The following NUP160 variants were observed in gnomAD, a reference collection of about 807,000 sequenced individuals.
The protein encoded by NUP160 is nucleoporin 160.
In NUP160, 94 loss-of-function variants were observed where a neutral mutation model predicts 196.9. The ratio of observed to expected loss-of-function variants is 0.48; its 90% CI spans 0.40 to 0.57. The LOEUF (loss-of-function observed/expected upper bound fraction) is 0.57. Ranked by LOEUF, NUP160 falls within the 20% of genes least tolerant of loss-of-function variation. NUP160 has a pLI of 0.00. For synonymous variants in NUP160, 605 were observed against 619.7 expected, an observed-to-expected ratio of 0.98 and a Z score of 0.35; for missense variants, 1,638 against 1,748.3, an observed-to-expected ratio of 0.94 and a Z score of 1.13.
chr11:47,832,179 C>T (rs1234081388), intron 7 of NUP160, among the ~76,000 whole-genome samples: 2 of 152,086 alleles, frequency 1.3e-5, no homozygotes, highest in African/African-American at 2.4e-5. Context: ...GGATTACAGG[C>T]GTGAGCCACT....
In NUP160 at chr11:47,780,548, T is replaced by C. The variant is rs2097660100; in HGVS notation, c.4117-101A>G. The C allele has an allele frequency of 7.6e-6, 5 of 654,970 alleles. No homozygotes were observed. The South Asian group carries it at 8.9e-5, about 12-fold the overall frequency. 40.6% of individuals were successfully genotyped at this position (654,970 alleles called of 1,614,324 possible). A position where few individuals can be genotyped will look rare whatever the true frequency, so the allele number is the denominator to read the frequency against. On this transcript the variant is annotated intron_variant, in intron 34 of 35. Coordinates refer to ENST00000378460, the Ensembl canonical transcript of NUP160. ...CTGTAGAATAAAATACCCTTTTTTT[T>C]TTTTTTTTTGAGATGGTCTTGTTCT...
chr11:47,790,043 A>G (rs1290714543), intron 29 of NUP160, among the ~76,000 whole-genome samples: 2 of 145,170 alleles, frequency 1.4e-5, no homozygotes, highest in African/African-American at 2.6e-5. Flanking sequence ...CCTCCTGGGT[A>G]CAAGTGATGT....
chr11:47,818,001 T>C, intron 11 of NUP160, 55 bp downstream of exon 11: 2 of 1,042,102 alleles, frequency 1.9e-6, no homozygotes, highest in Non-Finnish European at 2.9e-6. Context: ...AGTAATTATA[T>C]ACAGTAATAA....
chr11:47,782,510 C>T lies in NUP160; in HGVS notation c.4116+563G>A, dbSNP rs535614152. 2.3e-4 allele frequency among the ~76,000 whole-genome samples: 34 copies of T among 150,888 alleles called. No homozygotes were observed. The East Asian group carries it at 4.6e-3, about 21-fold the overall frequency. ...AGCCTACTTAACCATGCTCAGGACA[C>T]TTAACGTTAACCTATAAAGTTGGGC... On this transcript the variant is annotated intron_variant, in intron 34 of 35. Transcript: ENST00000378460.
Position 47,826,139 on chromosome 11 carries a change from TAAACAAAC to T in NUP160, c.1102-3983_1102-3976del, listed in dbSNP as rs377604809. On this transcript the variant is annotated intron_variant, in intron 7 of 35. Transcript: ENST00000378460. ...CAATTTAGCAGGTCTCAAACAGCAT[TAAACAAAC>T]AAACAAACAAACAAACAAACAAAAA... 4.0e-3 allele frequency among the ~76,000 whole-genome samples: 604 copies of T among 151,944 alleles called. 3 individuals are homozygous for T. Among genetic ancestry groups the T allele is most frequent in the Non-Finnish European group, 5.0e-3 (337 of 67,952 alleles).
intron 3 of NUP160, 126 bp downstream of exon 3, chr11:47,840,252 G>A (rs763843252): frequency 2.2e-6 from 2 of 899,656 alleles, no homozygotes; most frequent in East Asian, 5.2e-5. Flanking sequence ...AGCTATCAAA[G>A]TATGCTTGGT....
At chr11:47,803,524 G>A in exon 22 of NUP160, 1 of 1,603,494 alleles carries the variant, frequency 6.2e-7, no homozygotes, top group Non-Finnish European at 8.5e-7. Context: ...GGATGTAGCA[G>A]TTGAATATAA....
intron 13 of NUP160, 112 bp downstream of exon 13, chr11:47,815,367 C>T (rs1218602524): frequency 1.4e-6 from 1 of 722,596 alleles, no homozygotes; most frequent in African/African-American, 1.8e-5. Flanking sequence ...GCAACATTCA[C>T]CAGACTAACA....
At chr11:47,791,069 AAT>A (rs2097667629) in intron 29 of NUP160, among the ~76,000 whole-genome samples, 1 of 152,152 alleles carries the variant, frequency 6.6e-6, no homozygotes, top group Non-Finnish European at 1.5e-5. Context: ...CTGGATTTTC[AAT>A]ATGAGATAAA....
intron 22 of NUP160, 58 bp from the exon 23 acceptor site, chr11:47,801,988 G>C (rs2097674435): frequency 1.9e-6 from 3 of 1,565,472 alleles, no homozygotes; most frequent in Non-Finnish European, 2.6e-6. Flanking sequence ...TAGGTGCTAT[G>C]AATCAGGGGT....
chr11:47,793,220 C>T (rs982276613), intron 27 of NUP160, among the ~76,000 whole-genome samples: 3 of 151,994 alleles, frequency 2.0e-5, no homozygotes, highest in Admixed American at 6.6e-5. Context: ...TTTGTGGCCT[C>T]GTGATCCGCC....
At chr11:47,798,066 T>A in exon 26 of NUP160, 5 of 1,576,852 alleles carry the variant, frequency 3.2e-6, no homozygotes, top group Middle Eastern at 1.7e-4. Context: ...CCGTAAACAA[T>A]CTAATTGCCT....
intron 7 of NUP160, among the ~76,000 whole-genome samples, chr11:47,824,679 C>T (rs1272343107): frequency 6.6e-6 from 1 of 151,972 alleles, no homozygotes; most frequent in Non-Finnish European, 1.5e-5. Flanking sequence ...TGCTCTGTTA[C>T]CCAAGCTGCA....
chr11:47,833,512 A>G (rs1371510020), intron 7 of NUP160, among the ~76,000 whole-genome samples: 2 of 152,100 alleles, frequency 1.3e-5, no homozygotes, highest in Non-Finnish European at 2.9e-5. Flanking sequence ...AAAACAAATG[A>G]CAGTATTTGT....
chr11:47,839,217 G>A (rs1047838020), intron 4 of NUP160, among the ~76,000 whole-genome samples: 6 of 151,926 alleles, frequency 3.9e-5, no homozygotes, highest in African/African-American at 1.2e-4. Context: ...TCAGCCTCCC[G>A]AGTAGCTGGG....
intron 11 of NUP160, 107 bp downstream of exon 11, chr11:47,817,949 T>C (rs1007653745): frequency 6.6e-6 from 4 of 604,602 alleles, no homozygotes; most frequent in South Asian, 5.0e-5. Context: ...TATGTATGAA[T>C]ACAGAAGTAC....
chr11:47,840,126 CCTCT>C (rs1852265694), intron 3 of NUP160, 61 bp from the exon 4 acceptor site: 4 of 1,295,174 alleles, frequency 3.1e-6, no homozygotes. Flanking sequence ...TTGCTCAGTT[CCTCT>C]CTATTGCTAA....
chr11:47,821,554 G>T, intron 9 of NUP160, 170 bp downstream of exon 9: 1 of 552,524 alleles, frequency 1.8e-6, no homozygotes, highest in Non-Finnish European at 3.2e-6. Context: ...AGTAGAGACG[G>T]GGTTTCTGTT....
At chr11:47,793,162 A>C (rs1441208380) in intron 27 of NUP160, among the ~76,000 whole-genome samples, 1 of 151,844 alleles carries the variant, frequency 6.6e-6, no homozygotes, top group Non-Finnish European at 1.5e-5. Flanking sequence ...TAATTTTTGT[A>C]TTTTTGGTAG....
Sources: allele counts gnomAD v4.1 joint callset (sites outside exome capture counted in the v4.1 genomes callset), GRCh38; gene constraint gnomAD v4.1.1; transcripts MANE v1.5; gene names NCBI Gene and HGNC (gene_info 2026-07-23, HGNC 2026-07-21).